The following COL4A2 variants were observed in gnomAD, a reference collection of about 807,000 sequenced individuals.
COL4A2 encodes collagen alpha-2(IV) chain.
COL4A2 carries 99 observed loss-of-function variants against 200.2 expected under a neutral mutation model. The ratio of observed to expected loss-of-function variants is 0.49; its 90% CI spans 0.42 to 0.58. The LOEUF (loss-of-function observed/expected upper bound fraction) is 0.58, where lower values mean the gene tolerates loss of function less well. Ranked by LOEUF, COL4A2 falls within the 20% of genes least tolerant of loss-of-function variation. COL4A2 has a pLI of 0.00. For missense variants in COL4A2, 1,950 were observed against 2,314.1 expected (o/e 0.84, Z 3.23); for synonymous variants, 897 against 900.6 (o/e 1.00, Z 0.07).
At chr13:110,438,155 C>T (rs1373779960) in intron 14 of COL4A2, 118 bp downstream of exon 14, 4 of 762,730 alleles carry the variant, frequency 5.2e-6, no homozygotes, top group East Asian at 2.5e-5. Flanking sequence ...CTCTCATCCC[C>T]TTGTCCATAG....
At chr13:110,349,897 G>T (rs556025892) in intron 3 of COL4A2, among the ~76,000 whole-genome samples, 116 of 152,174 alleles carry the variant, frequency 7.6e-4, no homozygotes, top group Non-Finnish European at 1.1e-3. Flanking sequence ...GTGAGTAGTT[G>T]GTATTACAAG....
At position 110,503,956 on chromosome 13, in the gene COL4A2, G is replaced by A. The variant is rs761469447; in HGVS notation, c.4248G>A (p.Pro1416=). 51 of 1,564,904 alleles carry A rather than the reference G, an allele frequency of 3.3e-5. No homozygotes were observed. Among genetic ancestry groups the A allele is most frequent in the East Asian group, 1.8e-4 (8 of 44,526 alleles). The part of the protein sequence containing the change: ...PQGRRGPPGA[P]GEMGPQGPPG... ...GGAGGCGAGGCCCCCCTGGGGCACC[G>A]GGGGAGATGGGGCCCCAGGGCCCCC... The change falls in exon 44 of 48, where the codon CCG becomes CCA. Residue 1416 remains proline, a synonymous_variant. Coordinates refer to ENST00000360467, the MANE Select transcript of COL4A2 (RefSeq NM_001846.4).
Position 110,467,040 on chromosome 13 carries a change from G to T in COL4A2, c.2039G>T (p.Gly680Val), listed in dbSNP as rs1420810281. The T allele has an allele frequency of 1.2e-6, 2 of 1,613,960 alleles. No homozygotes were observed. The highest frequency in any genetic ancestry group is 8.5e-7 in the Non-Finnish European group (1 of 1,179,964). Reference sequence around the variant, plus strand: ...CATCTTTTCTCCTTTCTGTCCCCAGGTTGCATAGGAGGGCCCAAGGGATTG... The same window carrying T: ...CATCTTTTCTCCTTTCTGTCCCCAGTTTGCATAGGAGGGCCCAAGGGATTG... The part of the protein sequence containing the change: ...GGDRQEAIQP[G>V]CIGGPKGLPG... Residue 680 changes from glycine (G) to valine (V), a missense_variant and splice_region_variant, in exon 27 of 48, where the codon GGT (glycine) becomes GTT (valine). Around this residue, in one of 2 missense-constraint regions of COL4A2, gnomAD observed 1,385 missense variants for 1,720.5 expected, o/e 0.80. Transcript: ENST00000360467.
chr13:110,497,503 C>T (rs76155892), intron 40 of COL4A2, among the ~76,000 whole-genome samples: 728 of 53,400 alleles, frequency 0.014, no homozygotes, highest in South Asian at 0.019. Context: ...GGATTTAGGT[C>T]AATCCACCAG....
intron 3 of COL4A2, among the ~76,000 whole-genome samples, chr13:110,351,342 T>C (rs577503286): frequency 5.9e-5 from 9 of 152,308 alleles, no homozygotes; most frequent in Non-Finnish European, 1.2e-4. Context: ...CCCAAAGTGC[T>C]GGGATTACAG....
chr13:110,311,130 C>G (rs986286294), intron 3 of COL4A2, among the ~76,000 whole-genome samples: 2 of 152,098 alleles, frequency 1.3e-5, no homozygotes, highest in African/African-American at 2.4e-5. Flanking sequence ...AGGCTCTCCC[C>G]CTCCTTCCTC....
Position 110,512,444 on chromosome 13 carries a change from A to G in COL4A2, c.*253A>G, listed in dbSNP as rs1884121788. 5.1e-6 allele frequency: 3 copies of G among 590,220 alleles called. No individual in the cohort carries two copies. Among genetic ancestry groups the G allele is most frequent in the Non-Finnish European group, 8.7e-6 (3 of 345,206 alleles). 36.6% of individuals were successfully genotyped at this position (590,220 alleles called of 1,614,324 possible). On this transcript the variant is annotated 3_prime_UTR_variant, in exon 48 of 48. Transcript: ENST00000360467. ...GGCCCCCATCAGCCCTGCTAGACGC[A>G]CCGCCTGAAGGCACAGCTAACCACT...
At chr13:110,394,242 GCT>G (rs1479429028) in intron 4 of COL4A2, among the ~76,000 whole-genome samples, 1 of 152,202 alleles carries the variant, frequency 6.6e-6, no homozygotes, top group East Asian at 1.9e-4. Context: ...ACACTGTTTT[GCT>G]CTGTGTGTGC....
At chr13:110,436,701 A>G (rs555905610) in intron 13 of COL4A2, among the ~76,000 whole-genome samples, 14 of 152,356 alleles carry the variant, frequency 9.2e-5, no homozygotes, top group African/African-American at 3.4e-4. Context: ...AGCCAGAATC[A>G]TGGAACTGTC....
At chr13:110,481,622 G>GTGCTGGAGACACACTGTTCTGTCCCTCCA (rs1882923344) in intron 31 of COL4A2, among the ~76,000 whole-genome samples, 2 of 15,168 alleles carry the variant, frequency 1.3e-4, no homozygotes, top group African/African-American at 6.1e-4. Flanking sequence ...CTGTCCCTCC[G>GTGCTGGAGACACACTGTTCTGTCCCTCCA]TTGCTGGAGA....
intron 4 of COL4A2, among the ~76,000 whole-genome samples, chr13:110,396,081 A>G (rs1306414017): frequency 2.0e-5 from 3 of 152,216 alleles, no homozygotes; most frequent in African/African-American, 7.2e-5. Context: ...TAATAGACTT[A>G]ATCTTTAAAG....
rs775624290 is a variant in COL4A2, at chr13:110,508,260, C to T, written c.4881+39C>T. 1 of 1,602,400 alleles carries T rather than the reference C, an allele frequency of 6.2e-7. No homozygotes were observed. The highest frequency in any genetic ancestry group is 1.3e-5 in the African/African-American group (1 of 74,926). ...GCCCAGTTCCCCTCCCCAACCACAC[C>T]CTGCTGGGGACACAGCAAGAACAGC... is the stretch of plus-strand genomic sequence containing the variant. On this transcript the variant is annotated intron_variant, in intron 47 of 47. Transcript: ENST00000360467. This position sits in a 1 kb window ranked among gnomAD's most constrained non-coding sequence, Gnocchi z 6.1.
At chr13:110,330,987 TGAAATTGCTGTTTAAATAAACC>T (rs1875885423) in intron 3 of COL4A2, among the ~76,000 whole-genome samples, 4 of 152,116 alleles carry the variant, frequency 2.6e-5, no homozygotes, top group Non-Finnish European at 5.9e-5. Flanking sequence ...TCACTACTCA[TGAAATTGCTGTTTAAATAAACC>T]CTGGGTGTTC....
chr13:110,365,893 T>A (rs1357493906), intron 4 of COL4A2, among the ~76,000 whole-genome samples: 1 of 152,158 alleles, frequency 6.6e-6, no homozygotes, highest in Non-Finnish European at 1.5e-5. Context: ...AGCTCCACAC[T>A]CCATCAGATT....
chr13:110,494,517 C>T (rs1420845992), intron 39 of COL4A2, among the ~76,000 whole-genome samples: 2 of 151,820 alleles, frequency 1.3e-5, no homozygotes, highest in African/African-American at 4.8e-5. Context: ...AAAAGATAAC[C>T]TTGTTTTCTT....
chr13:110,412,035 C>A (rs1366219986), intron 4 of COL4A2, among the ~76,000 whole-genome samples: 3 of 152,198 alleles, frequency 2.0e-5, no homozygotes, highest in Admixed American at 1.3e-4. Flanking sequence ...TTAGTCCCAA[C>A]CAGGGGTCAA....
chr13:110,385,515 G>GCTGTGGCTGCAGTGTGTGGATAGA (rs1878669626), intron 4 of COL4A2, among the ~76,000 whole-genome samples: 4 of 33,992 alleles, frequency 1.2e-4, no homozygotes, highest in Admixed American at 3.1e-4. Flanking sequence ...GTGTGGATAG[G>GCTGTGGCTGCAGTGTGTGGATAGA]CCGTGGTTAC....
chr13:110,409,982 C>T (rs1453395517), intron 4 of COL4A2, among the ~76,000 whole-genome samples: 1 of 152,138 alleles, frequency 6.6e-6, no homozygotes, highest in Non-Finnish European at 1.5e-5. Flanking sequence ...CATCAGGTGG[C>T]CCTGGTAGCC....
At chr13:110,431,451 A>G (rs1330810990) in intron 10 of COL4A2, among the ~76,000 whole-genome samples, 1 of 152,214 alleles carries the variant, frequency 6.6e-6, no homozygotes, top group Admixed American at 6.5e-5. Context: ...TAATAATAAT[A>G]GATTTTGTTT....
Sources: gnomAD v4.1 joint callset for allele counts (sites outside exome capture counted in the v4.1 genomes callset) on GRCh38, gnomAD v4.1.1 for gene constraint, gnomAD v4.1.1 regional missense constraint, Gnocchi (gnomAD v3.1) non-coding constraint, MANE v1.5 for transcripts, NCBI Gene and HGNC (gene_info 2026-07-23, HGNC 2026-07-21) for gene names.